Variants in PDE8A observed in about 807,000 individuals in gnomAD.
PDE8A encodes the protein high affinity cAMP-specific and IBMX-insensitive 3',5'-cyclic phosphodiesterase 8A.
Under a neutral mutation model 105.0 loss-of-function variants are expected in PDE8A, and 59 were observed. The observed-to-expected ratio is 0.56, with a 90% confidence interval of 0.46 to 0.70. The LOEUF (loss-of-function observed/expected upper bound fraction) is 0.70, where lower values mean the gene tolerates loss of function less well. PDE8A is among the 30% of genes least tolerant of loss of function. The pLI is 0.00. For missense variants in PDE8A, 1,014 were observed against 1,045.9 expected (o/e 0.97, Z 0.42); for synonymous variants, 355 against 371.9 (o/e 0.95, Z 0.52).
At chr15:85,117,911 T>A in intron 17 of PDE8A, 72 bp downstream of exon 17, 1 of 1,182,816 alleles carries the variant, frequency 8.5e-7, no homozygotes, top group South Asian at 1.2e-5. Context: ...CTGCCTCCAC[T>A]AAGATACATA....
chr15:85,117,624 G>T lies in PDE8A; in HGVS notation c.1536-17G>T, dbSNP rs201910838. On this transcript the variant is annotated splice_polypyrimidine_tract_variant and intron_variant, in intron 16 of 21. Transcript: ENST00000394553. ...GTTTGCTTTGTTCTAATATTGTGGG[G>T]TTTTTTCTGTCTATAGGCCTTTGAT... The T allele has an allele frequency of 6.0e-5, 97 of 1,610,214 alleles. No individual in the cohort carries two copies. The East Asian group carries it at 9.6e-4, about 16-fold the overall frequency.
In PDE8A at chr15:85,100,046, G is replaced by C. The variant is rs779662885; in HGVS notation, c.973G>C (p.Val325Leu). ...TAGACACTATGTGTCCATTATCAGA[G>C]TGTGCAATGGCAACAATAAGGTACG... ...KIRHYVSIIRVCNGNNKAEKI... is the reference protein window; with the variant it reads ...KIRHYVSIIRLCNGNNKAEKI... Residue 325 changes from valine (V) to leucine (L), a missense_variant, in exon 10 of 22, where the codon GTG (valine) becomes CTG (leucine). Transcript: ENST00000394553. 1.9e-5 allele frequency: 31 copies of C among 1,613,554 alleles called. No homozygotes were observed. The highest frequency in any genetic ancestry group is 8.3e-5 in the Admixed American group (5 of 59,936).
chr15:85,045,952 C>T (rs1404419725), intron 1 of PDE8A, among the ~76,000 whole-genome samples: 1 of 152,012 alleles, frequency 6.6e-6, no homozygotes, highest in South Asian at 2.1e-4. Flanking sequence ...TAAATTGACC[C>T]CAGGATAACT....
Position 85,111,576 on chromosome 15 carries a change from A to G in PDE8A, c.1115-1801A>G, listed in dbSNP as rs141382458. Among the ~76,000 whole-genome samples, 437 of 152,330 alleles carry G rather than the reference A, an allele frequency of 2.9e-3. 2 individuals carry two copies. The highest frequency in any genetic ancestry group is 1.0e-2 in the African/African-American group (415 of 41,562). On this transcript the variant is annotated intron_variant, in intron 12 of 21. Coordinates refer to ENST00000394553, the MANE Select transcript of PDE8A (RefSeq NM_002605.3). ...GTTCTGTTTGTTTACGCTTGTACCA[A>G]TATCACAATCAGTTACTTATATAGT...
Position 85,119,471 on chromosome 15 carries a change from A to AAAAAAAAAAAAAAAAAAAACAAAC in PDE8A, c.1735-1316_1735-1315insAAAAAAAAACAAACAAAAAAAAAA, listed in dbSNP as rs1421406717. 2.2e-3 allele frequency among the ~76,000 whole-genome samples: 335 copies of AAAAAAAAAAAAAAAAAAAACAAAC among 149,274 alleles called. 11 individuals are homozygous for AAAAAAAAAAAAAAAAAAAACAAAC. The highest frequency in any genetic ancestry group is 8.1e-3 in the African/African-American group (326 of 40,198). ...TGACAGAGCAAGACTCTCGTCTCAAAAAAAAAAAAACATTTATTGAAATGT... is the reference window on the plus strand; with the variant it reads ...TGACAGAGCAAGACTCTCGTCTCAAAAAAAAAAAAAAAAAAAAAACAAACAAAAAAAAAACATTTATTGAAATGT... On this transcript the variant is annotated intron_variant, in intron 17 of 21. Coordinates refer to ENST00000394553, the MANE Select transcript of PDE8A (RefSeq NM_002605.3).
chr15:85,114,071 C>T, intron 14 of PDE8A, 34 bp downstream of exon 14: 2 of 1,578,552 alleles, frequency 1.3e-6, no homozygotes, highest in East Asian at 4.5e-5. Context: ...TGGCTAGAGC[C>T]TGTCTGTTCT....
chr15:84,986,310 C>T (rs1420375959), intron 1 of PDE8A, among the ~76,000 whole-genome samples: 1 of 152,200 alleles, frequency 6.6e-6, no homozygotes, highest in Non-Finnish European at 1.5e-5. Context: ...AACCTCTAAT[C>T]GAGTGTTACT....
At chr15:85,072,025 A>G (rs1191114093) in intron 3 of PDE8A, among the ~76,000 whole-genome samples, 1 of 152,230 alleles carries the variant, frequency 6.6e-6, no homozygotes, top group Non-Finnish European at 1.5e-5. Flanking sequence ...TAAAAAAAGT[A>G]CTACTTGAAA....
At chr15:85,086,500 T>TA (rs1184061733) in intron 6 of PDE8A, among the ~76,000 whole-genome samples, 1 of 152,118 alleles carries the variant, frequency 6.6e-6, no homozygotes, top group East Asian at 1.9e-4. Flanking sequence ...AATGATCAAT[T>TA]AAAAATTAGA....
At chr15:85,014,856 A>G (rs898194359) in intron 1 of PDE8A, among the ~76,000 whole-genome samples, 1 of 152,316 alleles carries the variant, frequency 6.6e-6, no homozygotes, top group East Asian at 1.9e-4. Flanking sequence ...TGCAACCATT[A>G]CCACTAATCC....
intron 1 of PDE8A, among the ~76,000 whole-genome samples, chr15:85,054,107 T>C (rs2081020621): frequency 6.6e-6 from 1 of 151,186 alleles, no homozygotes; most frequent in African/African-American, 2.4e-5. Flanking sequence ...TCTGTTTATA[T>C]GCTGGATTAC....
chr15:85,009,144 T>A (rs1369603273), intron 1 of PDE8A, among the ~76,000 whole-genome samples: 1 of 150,020 alleles, frequency 6.7e-6, no homozygotes, highest in Non-Finnish European at 1.5e-5. Flanking sequence ...TGTGTGTGTG[T>A]GATGTTTAGG....
At chr15:85,127,237 G>A (rs890796592) in intron 20 of PDE8A, among the ~76,000 whole-genome samples, 5 of 152,152 alleles carry the variant, frequency 3.3e-5, no homozygotes, top group African/African-American at 1.2e-4. Flanking sequence ...AATGGCATGA[G>A]ATATTGAATA....
intron 1 of PDE8A, among the ~76,000 whole-genome samples, chr15:84,991,710 T>TA (rs2079888129): frequency 1.3e-5 from 2 of 152,234 alleles, no homozygotes; most frequent in South Asian, 4.2e-4. Context: ...ACATAATGGA[T>TA]AAAAAAGTTA....
At chr15:85,054,726 G>A (rs1172923688) in intron 1 of PDE8A, among the ~76,000 whole-genome samples, 12 of 152,000 alleles carry the variant, frequency 7.9e-5, no homozygotes, top group East Asian at 3.9e-4. Context: ...TCTTGCTAGC[G>A]GTCTGTCGAT....
chr15:85,021,186 C>T (rs1242532906), intron 1 of PDE8A, among the ~76,000 whole-genome samples: 2 of 152,106 alleles, frequency 1.3e-5, no homozygotes, highest in East Asian at 3.8e-4. Flanking sequence ...AGAGTAGGCC[C>T]TCACCAGACA....
chr15:85,068,186 G>A lies in PDE8A; in HGVS notation c.434+982G>A, dbSNP rs569788676. Among the ~76,000 whole-genome samples the A allele has an allele frequency of 9.9e-5, 15 of 152,098 alleles. No individual in the cohort carries two copies. In the South Asian group the frequency reaches 1.5e-3, roughly 15 times the overall value. ...CTCCCAAGTAGCTGGGATTACAGGC[G>A]CACACCACCATGCCTGGCTAATTTT... is the stretch of plus-strand genomic sequence containing the variant. On this transcript the variant is annotated intron_variant, in intron 3 of 21. Transcript: ENST00000394553.
intron 1 of PDE8A, among the ~76,000 whole-genome samples, chr15:85,030,712 A>G (rs1233012634): frequency 1.3e-5 from 2 of 152,122 alleles, no homozygotes; most frequent in Non-Finnish European, 2.9e-5. Context: ...GCCTTTTTGC[A>G]CATAATATTT....
intron 1 of PDE8A, among the ~76,000 whole-genome samples, chr15:84,999,708 A>G (rs1465031258): frequency 6.6e-6 from 1 of 152,056 alleles, no homozygotes; most frequent in Non-Finnish European, 1.5e-5. Flanking sequence ...CTGAGCAGCT[A>G]GGACTACTGG....
Sources: gnomAD v4.1 joint callset for allele counts (sites outside exome capture counted in the v4.1 genomes callset) on GRCh38, gnomAD v4.1.1 for gene constraint, MANE v1.5 for transcripts, NCBI Gene and HGNC (gene_info 2026-07-23, HGNC 2026-07-21) for gene names.